The following SRCIN1 variants were observed in gnomAD, a reference collection of about 807,000 sequenced individuals.
SRCIN1 encodes P130Cas-associated protein.
A neutral mutation model predicts 116.2 loss-of-function variants in SRCIN1; 50 were observed. The ratio of observed to expected loss-of-function variants is 0.43; its 90% confidence interval spans 0.34 to 0.54. SRCIN1 has a LOEUF of 0.54. Among genes scored for constraint, SRCIN1 ranks in the 20% least tolerant of loss-of-function variants. The pLI is 0.02. For synonymous variants in SRCIN1, 736 were observed against 750.0 expected, an observed-to-expected ratio of 0.98 and a Z score of 0.30; for missense variants, 1,446 against 1,672.0, an observed-to-expected ratio of 0.86 and a Z score of 2.36.
rs1404795225 is a variant in SRCIN1, at chr17:38,549,122, A to G, written c.3051T>C (p.His1017=). ...CTCCGGTACGTGTGGTGGTCAGGCC[A>G]TGGGAGGAGGGGAAGCTCCGGCGGG... is the stretch of plus-strand genomic sequence containing the variant. The part of the protein sequence containing the change: ...PPPRRSFPSS[H]GLTTTRTGEV... Residue 1017 remains histidine, a synonymous_variant, in exon 16 of 19, where the codon CAT becomes CAC. Transcript: ENST00000617146. The G allele has an allele frequency of 4.5e-6, 6 of 1,325,116 alleles. No homozygotes were observed. Among genetic ancestry groups the G allele is most frequent in the Non-Finnish European group, 6.3e-6 (6 of 945,480 alleles). 82.1% of individuals were successfully genotyped at this position (1,325,116 alleles called of 1,614,324 possible).
chr17:38,588,064 A>G (rs1305133066), intron 1 of SRCIN1, among the ~76,000 whole-genome samples: 6 of 152,028 alleles, frequency 3.9e-5, no homozygotes, highest in Non-Finnish European at 5.9e-5. Context: ...TTAACAAAAA[A>G]AAAAAAAAGG....
At chr17:38,576,379 A>G (rs2143301795) in intron 2 of SRCIN1, among the ~76,000 whole-genome samples, 1 of 151,692 alleles carries the variant, frequency 6.6e-6, no homozygotes, top group Non-Finnish European at 1.5e-5. Flanking sequence ...AGCTCTGGTC[A>G]CCCTCCTGCT....
In SRCIN1 at chr17:38,558,409, G is replaced by A. The variant is rs1905954580; in HGVS notation, c.2026-7C>T. 1.9e-6 allele frequency: 3 copies of A among 1,588,320 alleles called. No homozygotes were observed. The highest frequency in any genetic ancestry group is 2.6e-6 in the Non-Finnish European group (3 of 1,173,024). On this transcript the variant is annotated splice_polypyrimidine_tract_variant and splice_region_variant and intron_variant, in intron 10 of 18. Transcript: ENST00000617146. This position sits in a 1 kb window ranked among gnomAD's most constrained non-coding sequence, Gnocchi z 4.6. ...CCGACTCCTGGTTCTGTAGCTGCGG[G>A]ACGCACGGACGGATGGACCCGGGTG... is the stretch of plus-strand genomic sequence containing the variant.
At chr17:38,581,459 C>A (rs1353824113) in intron 1 of SRCIN1, among the ~76,000 whole-genome samples, 1 of 142,638 alleles carries the variant, frequency 7.0e-6, no homozygotes, top group Admixed American at 6.8e-5. Flanking sequence ...AGCCACCACA[C>A]CCAGGTCTTT....
intron 18 of SRCIN1, among the ~76,000 whole-genome samples, chr17:38,540,508 C>T (rs11867559): frequency 0.033 from 4,957 of 152,004 alleles, 244 homozygotes; most frequent in African/African-American, 0.11. Context: ...TACTTCTGTC[C>T]CCATTGTACA....
intron 1 of SRCIN1, among the ~76,000 whole-genome samples, chr17:38,581,636 T>C (rs1205543321): frequency 6.6e-6 from 1 of 152,148 alleles, no homozygotes; most frequent in Non-Finnish European, 1.5e-5. Flanking sequence ...GTATATTGCA[T>C]TAGTACAGTA....
In SRCIN1 at chr17:38,598,436, C is replaced by T. The variant is rs544840878; in HGVS notation, c.22+7248G>A. ...GGTGAGGGGAGACTGCAGAACACGT[C>T]CCCCCCGCAATCTCCCCAGCTCTGC... is the stretch of plus-strand genomic sequence containing the variant. On this transcript the variant is annotated intron_variant, in intron 1 of 18. Coordinates refer to ENST00000617146, the MANE Select transcript of SRCIN1 (RefSeq NM_025248.3). Among the ~76,000 whole-genome samples the T allele has an allele frequency of 7.9e-5, 12 of 152,122 alleles. No homozygotes were observed. In the South Asian group the frequency reaches 1.9e-3, roughly 24 times the overall value.
At chr17:38,564,833 C>A (rs889201188) in intron 3 of SRCIN1, among the ~76,000 whole-genome samples, 1 of 151,560 alleles carries the variant, frequency 6.6e-6, no homozygotes, top group Non-Finnish European at 1.5e-5. Context: ...TGAGGGGATG[C>A]GGACCCTGAC....
Position 38,558,502 on chromosome 17 carries a change from G to T in SRCIN1, c.2026-100C>A. The T allele has an allele frequency of 7.3e-7, 1 of 1,378,042 alleles. No homozygotes were observed. The highest frequency in any genetic ancestry group is 9.7e-7 in the Non-Finnish European group (1 of 1,035,366). The allele number at this position is 1,378,042 out of a possible 1,614,324, so 85.4% of individuals were successfully genotyped here. A position where few individuals can be genotyped will look rare whatever the true frequency, so the allele number is the denominator to read the frequency against. On this transcript the variant is annotated intron_variant, in intron 10 of 18. Coordinates refer to ENST00000617146, the MANE Select transcript of SRCIN1 (RefSeq NM_025248.3). The surrounding 1 kb of genome is among the most constrained non-coding windows in gnomAD (Gnocchi z 4.6). ...CGGGTAGAGGACTGCCCAATCCAGGGCGGGGCTCTGCAGAAGAAGCGGCTG... is the reference window on the plus strand; with the variant it reads ...CGGGTAGAGGACTGCCCAATCCAGGTCGGGGCTCTGCAGAAGAAGCGGCTG...
At position 38,563,379 on chromosome 17, in the gene SRCIN1, G is replaced by C. The variant is rs374196795; in HGVS notation, c.684C>G (p.Thr228=). The C allele has an allele frequency of 6.3e-7, 1 of 1,580,554 alleles. No individual in the cohort carries two copies. The highest frequency in any genetic ancestry group is 2.3e-5 in the East Asian group (1 of 43,146). The stretch of plus-strand genomic sequence containing the variant: ...GAGCCTCGTCTTTGATGAGGATGGC[G>C]GTATTGGGCGACTTAAGCATGCCCA... ...LTMGMLKSPN[T]AILIKDEARN... Residue 228 remains threonine, a synonymous_variant, in exon 5 of 19, where the codon ACC becomes ACG. Coordinates refer to ENST00000617146, the MANE Select transcript of SRCIN1 (RefSeq NM_025248.3). This position sits in a 1 kb window ranked among gnomAD's most constrained non-coding sequence, Gnocchi z 5.8.
At chr17:38,533,749 GGGAGGT>G (rs2040959689) in intron 18 of SRCIN1, among the ~76,000 whole-genome samples, 1 of 147,414 alleles carries the variant, frequency 6.8e-6, no homozygotes, top group South Asian at 2.3e-4. Context: ...TGGGCAGATG[GGGAGGT>G]GGGGGTGGGG....
At chr17:38,595,812 G>A (rs1908699472) in intron 1 of SRCIN1, among the ~76,000 whole-genome samples, 1 of 152,200 alleles carries the variant, frequency 6.6e-6, no homozygotes, top group African/African-American at 2.4e-5. Flanking sequence ...ACATGTACAT[G>A]CACGCGTGCT....
chr17:38,576,801 G>A (rs1384057765), intron 2 of SRCIN1, among the ~76,000 whole-genome samples: 1 of 151,854 alleles, frequency 6.6e-6, no homozygotes, highest in African/African-American at 2.4e-5. Context: ...CCTACACTTG[G>A]TCTTCTTCCA....
At chr17:38,575,023 C>A in intron 2 of SRCIN1, 1 of 400,348 alleles carries the variant, frequency 2.5e-6, no homozygotes, top group Middle Eastern at 3.9e-4. Flanking sequence ...CGGGCAGGAG[C>A]CGCTGGGGTA....
At position 38,551,314 on chromosome 17, in the gene SRCIN1, C is replaced by T. The variant is rs766927511; in HGVS notation, c.2803G>A (p.Glu935Lys). The T allele has an allele frequency of 6.2e-7, 1 of 1,613,784 alleles. No individual in the cohort carries two copies. Among genetic ancestry groups the T allele is most frequent in the African/African-American group, 1.3e-5 (1 of 74,934 alleles). ...YSAKDINRLL[E>K]ETQAELLKAI... ...TTGAGCAGCTCTGCCTGTGTCTCTTCCAGCAGCCGGTTGATGTCCTTGGCA... is the reference window on the plus strand; with the variant it reads ...TTGAGCAGCTCTGCCTGTGTCTCTTTCAGCAGCCGGTTGATGTCCTTGGCA... The change falls in exon 15 of 19, where the codon GAA becomes AAA. Residue 935 changes from glutamate (E) to lysine (K), a missense_variant. By Grantham distance (56) the Glu-to-Lys change is moderately conservative. Around this residue, in one of 5 missense-constraint regions of SRCIN1, gnomAD observed 531 missense variants for 633.9 expected, o/e 0.84. Transcript: ENST00000617146.
At chr17:38,567,770 T>C (rs1906816208) in intron 3 of SRCIN1, among the ~76,000 whole-genome samples, 1 of 152,018 alleles carries the variant, frequency 6.6e-6, no homozygotes, top group African/African-American at 2.4e-5. Flanking sequence ...CCAGCCCCCA[T>C]GGTGGACAGT....
chr17:38,551,060 A>T, intron 15 of SRCIN1, 95 bp downstream of exon 15: 1 of 600,452 alleles, frequency 1.7e-6, no homozygotes, highest in Non-Finnish European at 2.9e-6. Flanking sequence ...AACCACAATG[A>T]TCTTGAGATC....
intron 18 of SRCIN1, among the ~76,000 whole-genome samples, chr17:38,536,976 A>C (rs1001401470): frequency 6.6e-6 from 1 of 151,906 alleles, no homozygotes; most frequent in Non-Finnish European, 1.5e-5. Flanking sequence ...CAGGAGTTTG[A>C]GACCAGCCTG....
intron 1 of SRCIN1, 123 bp downstream of exon 1, chr17:38,605,561 A>C: frequency 4.7e-6 from 3 of 643,924 alleles, no homozygotes; most frequent in Non-Finnish European, 6.8e-6. Context: ...CCCGCCGGCC[A>C]CCGCCTCCCC....
Sources: gnomAD v4.1 joint callset for allele counts (sites outside exome capture counted in the v4.1 genomes callset) on GRCh38, gnomAD v4.1.1 for gene constraint, gnomAD v4.1.1 regional missense constraint, Gnocchi (gnomAD v3.1) non-coding constraint, MANE v1.5 for transcripts, NCBI Gene and HGNC (gene_info 2026-07-23, HGNC 2026-07-21) for gene names.